The following CDK19 variants were observed in gnomAD, a reference collection of about 807,000 sequenced individuals.
CDK19 encodes cyclin-dependent kinase 19.
CDK19 carries 20 observed loss-of-function variants against 68.3 expected under a neutral mutation model. The observed-to-expected ratio is 0.29, with a 90% confidence interval of 0.21 to 0.43. CDK19 has a LOEUF of 0.43. CDK19 is among the 20% of genes least tolerant of loss of function. The pLI is 1.00. For synonymous variants in CDK19, 221 were observed against 222.8 expected (o/e 0.99, Z 0.07); for missense variants, 339 against 623.5 (o/e 0.54, Z 4.86).
intron 1 of CDK19, among the ~76,000 whole-genome samples, chr6:110,799,268 A>C (rs1315627047): frequency 6.6e-6 from 1 of 151,976 alleles, no homozygotes; most frequent in Non-Finnish European, 1.5e-5. Flanking sequence ...AGAAGACTTG[A>C]AGAAAAGGCA....
At chr6:110,627,200 G>A in intron 6 of CDK19, 55 bp from the exon 7 acceptor site, 1 of 1,317,952 alleles carries the variant, frequency 7.6e-7, no homozygotes, top group Non-Finnish European at 1.1e-6. Context: ...ATAATTCCTA[G>A]ATATAATCCC....
At chr6:110,679,229 C>T (rs1771795838) in intron 2 of CDK19, among the ~76,000 whole-genome samples, 1 of 151,880 alleles carries the variant, frequency 6.6e-6, no homozygotes, top group African/African-American at 2.4e-5. Context: ...GGTACGAGGA[C>T]TGCTTGAGCC....
chr6:110,776,188 C>T (rs544656763), intron 1 of CDK19, among the ~76,000 whole-genome samples: 3 of 151,978 alleles, frequency 2.0e-5, no homozygotes, highest in East Asian at 1.9e-4. Context: ...CAGCATTTTG[C>T]GAGACTGAGG....
chr6:110,686,708 T>C (rs1157419593), intron 2 of CDK19, among the ~76,000 whole-genome samples: 5 of 152,144 alleles, frequency 3.3e-5, no homozygotes, highest in Non-Finnish European at 7.4e-5. Context: ...CCTACAAAAA[T>C]ATTCAAAAAA....
At chr6:110,704,531 T>C (rs930992073) in intron 2 of CDK19, among the ~76,000 whole-genome samples, 1 of 152,204 alleles carries the variant, frequency 6.6e-6, no homozygotes, top group Non-Finnish European at 1.5e-5. Flanking sequence ...GGGGATTATC[T>C]ATACCACTCA....
At chr6:110,686,365 T>C (rs1011363991) in intron 2 of CDK19, among the ~76,000 whole-genome samples, 1 of 152,238 alleles carries the variant, frequency 6.6e-6, no homozygotes, top group African/African-American at 2.4e-5. Flanking sequence ...AAATGAGTGC[T>C]GGCAGTTATT....
chr6:110,722,611 A>T (rs1775987819), intron 2 of CDK19, among the ~76,000 whole-genome samples: 1 of 152,064 alleles, frequency 6.6e-6, no homozygotes, highest in Non-Finnish European at 1.5e-5. Context: ...ATACTTTCTA[A>T]AAAAATACTG....
At chr6:110,661,123 T>C (rs1474182478) in intron 4 of CDK19, among the ~76,000 whole-genome samples, 3 of 152,244 alleles carry the variant, frequency 2.0e-5, no homozygotes, top group Non-Finnish European at 4.4e-5. Context: ...AATATATAGA[T>C]GGTTCCCAAC....
chr6:110,809,798 G>A (rs554245107), intron 1 of CDK19, among the ~76,000 whole-genome samples: 5 of 152,294 alleles, frequency 3.3e-5, no homozygotes, highest in African/African-American at 1.2e-4. Flanking sequence ...GACCAACTCT[G>A]TACAAGGCAC....
chr6:110,734,467 T>C (rs1193944446), intron 2 of CDK19, among the ~76,000 whole-genome samples: 1 of 145,646 alleles, frequency 6.9e-6, no homozygotes, highest in African/African-American at 2.5e-5. Context: ...CTTAAAGGAA[T>C]TAAAACAGTC....
chr6:110,687,739 CAT>C (rs1037354281), intron 2 of CDK19, among the ~76,000 whole-genome samples: 2 of 152,166 alleles, frequency 1.3e-5, no homozygotes, highest in East Asian at 1.9e-4. Flanking sequence ...TATATTATTA[CAT>C]GTGTGGCTTT....
chr6:110,730,846 G>C (rs1390555347), intron 2 of CDK19, among the ~76,000 whole-genome samples: 1 of 152,154 alleles, frequency 6.6e-6, no homozygotes, highest in African/African-American at 2.4e-5. Flanking sequence ...GAGGTCATGA[G>C]TTCGAGGCCA....
At chr6:110,666,724 G>A (rs546883153) in intron 4 of CDK19, among the ~76,000 whole-genome samples, 5 of 152,106 alleles carry the variant, frequency 3.3e-5, no homozygotes, top group Non-Finnish European at 7.4e-5. Context: ...CACGTTGTGG[G>A]GCCAAAATAA....
rs541619032 is a variant in CDK19, at chr6:110,661,544, G to A, written c.456+5890C>T. Among the ~76,000 whole-genome samples the A allele has an allele frequency of 2.0e-5, 3 of 152,214 alleles. No homozygotes were observed. The South Asian group carries it at 6.2e-4, about 32-fold the overall frequency. On this transcript the variant is annotated intron_variant, in intron 4 of 12. Transcript: ENST00000368911. Reference sequence around the variant, plus strand: ...AGCGCACTACAGCCTTGTACCACTGGCCTCAAGCAATCTTCCCACCTCAGC... The same window carrying A: ...AGCGCACTACAGCCTTGTACCACTGACCTCAAGCAATCTTCCCACCTCAGC...
chr6:110,738,475 G>A (rs773490869), intron 2 of CDK19, among the ~76,000 whole-genome samples: 48 of 151,978 alleles, frequency 3.2e-4, no homozygotes, highest in Admixed American at 9.2e-4. Flanking sequence ...AGCCGAGATC[G>A]CGCCACTGCA....
chr6:110,703,799 C>T (rs1349613304), intron 2 of CDK19, among the ~76,000 whole-genome samples: 1 of 152,088 alleles, frequency 6.6e-6, no homozygotes, highest in Non-Finnish European at 1.5e-5. Context: ...ATGATCACAC[C>T]ACTGCACTCT....
chr6:110,745,295 A>T (rs1441036603), intron 2 of CDK19, among the ~76,000 whole-genome samples: 1 of 152,142 alleles, frequency 6.6e-6, no homozygotes, highest in African/African-American at 2.4e-5. Flanking sequence ...CACACTCATT[A>T]AATGTTTAGT....
Position 110,614,570 on chromosome 6 carries a change from G to C in CDK19, c.1474C>G (p.Gln492Glu). Reference protein sequence around the residue: ...GYSSSSQQSSQYHPSHQAHRY With the variant: ...GYSSSSQQSSEYHPSHQAHRY ...TGGGCCTGGTGAGATGGGTGGTACTGTGAGCTCTGCTGAGACGAGGAAGAG... is the reference window on the plus strand; with the variant it reads ...TGGGCCTGGTGAGATGGGTGGTACTCTGAGCTCTGCTGAGACGAGGAAGAG... Residue 492 changes from glutamine (Q) to glutamate (E), a missense_variant, in exon 13 of 13, where the codon CAG becomes GAG. This residue lies in a region of CDK19 where 155 missense variants were observed against 222.7 expected (regional missense o/e 0.70). Coordinates refer to ENST00000368911, the MANE Select transcript of CDK19 (RefSeq NM_015076.5). 1.2e-6 allele frequency: 2 copies of C among 1,614,062 alleles called. No individual in the cohort carries two copies. Among genetic ancestry groups the C allele is most frequent in the Non-Finnish European group, 1.7e-6 (2 of 1,179,942 alleles).
chr6:110,768,275 C>T (rs116705295), intron 1 of CDK19, among the ~76,000 whole-genome samples: 2,116 of 152,256 alleles, frequency 0.014, 52 homozygotes, highest in African/African-American at 0.048. Context: ...TAGGAATGCT[C>T]GTTCATTGCT....
Sources: gnomAD v4.1 joint callset for allele counts (sites outside exome capture counted in the v4.1 genomes callset) on GRCh38, gnomAD v4.1.1 for gene constraint, gnomAD v4.1.1 regional missense constraint, MANE v1.5 for transcripts, NCBI Gene and HGNC (gene_info 2026-07-23, HGNC 2026-07-21) for gene names.